Variants in BRAP observed in about 807,000 individuals in gnomAD.
BRAP encodes the protein BRCA1 associated protein, also known as BRCA1-associated protein.
In BRAP, 42 loss-of-function variants were observed where a neutral mutation model predicts 73.4. The observed-to-expected ratio is 0.57, with a 90% CI of 0.45 to 0.74. BRAP has a LOEUF of 0.74. Ranked by LOEUF, BRAP falls within the 30% of genes least tolerant of loss-of-function variation. The pLI is 0.00. For synonymous variants in BRAP, 255 were observed against 267.4 expected (o/e 0.95, Z 0.45); for missense variants, 593 against 751.4 (o/e 0.79, Z 2.46).
intron 6 of BRAP, among the ~76,000 whole-genome samples, chr12:111,661,713 G>T (rs1000420709): frequency 7.1e-5 from 10 of 141,698 alleles, no homozygotes; most frequent in Non-Finnish European, 9.3e-5. Context: ...AAAAAAAAAG[G>T]TTTTTTTTTT....
chr12:111,660,736 C>T, intron 6 of BRAP, 61 bp from the exon 7 acceptor site: 1 of 1,472,752 alleles, frequency 6.8e-7, no homozygotes, highest in Non-Finnish European at 9.2e-7. Context: ...TGTTACAGAA[C>T]CCAAAAGTCA....
chr12:111,671,780 G>A (rs1279087933), intron 5 of BRAP, among the ~76,000 whole-genome samples: 2 of 141,450 alleles, frequency 1.4e-5, no homozygotes, highest in African/African-American at 2.6e-5. Flanking sequence ...GACCTCCCCC[G>A]ACTCAGGTGA....
chr12:111,649,433 G>C (rs1336373345), intron 11 of BRAP, among the ~76,000 whole-genome samples: 1 of 152,176 alleles, frequency 6.6e-6, no homozygotes, highest in Non-Finnish European at 1.5e-5. Context: ...GATTACAGGC[G>C]TAAGCCACCA....
rs906813923 is a variant in BRAP at position 111,642,864 on chromosome 12, T to C, written c.*1335A>G. On this transcript the variant is annotated 3_prime_UTR_variant, in exon 12 of 12. Transcript: ENST00000419234. The stretch of plus-strand genomic sequence containing the variant: ...AAACAGATGGTGATTAGTGATACAG[T>C]TGATGTGCTAACAAGTAACATGTAA... 5.9e-5 allele frequency: 9 copies of C among 152,192 alleles called. No individual in the cohort carries two copies. The highest frequency in any genetic ancestry group is 1.9e-4 in the African/African-American group (8 of 41,448). The allele number at this position is 152,192 out of a possible 1,614,324, so 9.4% of individuals were successfully genotyped here.
At chr12:111,661,712 G>A (rs545587718) in intron 6 of BRAP, among the ~76,000 whole-genome samples, 1,688 of 145,538 alleles carry the variant, frequency 0.012, 22 homozygotes, top group Non-Finnish European at 0.015. Flanking sequence ...AAAAAAAAAA[G>A]GTTTTTTTTT....
chr12:111,673,399 G>A (rs1430618731), intron 4 of BRAP: 2 of 152,238 alleles, frequency 1.3e-5, no homozygotes, highest in African/African-American at 4.8e-5. Context: ...AGCTACTCGG[G>A]AGGCTGAGGC....
intron 4 of BRAP, among the ~76,000 whole-genome samples, chr12:111,673,616 C>G (rs1471659273): frequency 1.3e-5 from 2 of 151,020 alleles, no homozygotes; most frequent in Non-Finnish European, 2.9e-5. Context: ...TTTAATAAAC[C>G]AAATAATAAT....
rs1887801964 is a variant in BRAP, at chr12:111,685,714, C to T, written c.79G>A (p.Ala27Thr). Residue 27 changes from alanine to threonine, a missense_variant, in exon 1 of 12, where the codon GCG (alanine) becomes ACG (threonine). Physicochemically the swap from Ala to Thr is moderately conservative, Grantham distance 58. Coordinates refer to ENST00000419234, the MANE Select transcript of BRAP (RefSeq NM_006768.5). Reference sequence around the variant, plus strand: ...GCGGCGAGGCCGCGGGACTCACCCGCGGCGCTGAAGCCGAAGCCGGCGGGG... The same window carrying T: ...GCGGCGAGGCCGCGGGACTCACCCGTGGCGCTGAAGCCGAAGCCGGCGGGG... ...PVPAGFGFSA[A>T]AGEMSDEEIK... 6.2e-7 allele frequency: 1 copy of T among 1,604,586 alleles called. No individual in the cohort carries two copies. The highest frequency in any genetic ancestry group is 1.7e-5 in the Admixed American group (1 of 59,032).
At chr12:111,644,762 G>A (rs1223601290) in intron 11 of BRAP, among the ~76,000 whole-genome samples, 200 bp from the exon 12 acceptor site, 1 of 152,026 alleles carries the variant, frequency 6.6e-6, no homozygotes, top group African/African-American at 2.4e-5. Flanking sequence ...TAACACAAGT[G>A]TATTTTTTTT....
chr12:111,684,996 A>G (rs796246497), intron 1 of BRAP, among the ~76,000 whole-genome samples: 18 of 152,264 alleles, frequency 1.2e-4, no homozygotes, highest in African/African-American at 4.3e-4. Flanking sequence ...ATGTTAGTTA[A>G]TTATCTGAGG....
chr12:111,660,145 C>G (rs936904575), intron 7 of BRAP, among the ~76,000 whole-genome samples: 37 of 151,514 alleles, frequency 2.4e-4, no homozygotes, highest in African/African-American at 8.7e-4. Flanking sequence ...ATGTTTAAAA[C>G]CCAACAATCA....
chr12:111,682,629 T>G (rs1445149377), intron 2 of BRAP, among the ~76,000 whole-genome samples: 3 of 151,850 alleles, frequency 2.0e-5, no homozygotes, highest in African/African-American at 7.3e-5. Context: ...TTCTCCCTGG[T>G]AGCCGGGTGT....
intron 3 of BRAP, 86 bp downstream of exon 3, chr12:111,681,551 C>A: frequency 8.9e-7 from 1 of 1,119,794 alleles, no homozygotes. Context: ...TACCCACTTT[C>A]CTTCAGGACA....
chr12:111,682,433 T>C (rs996890734), intron 2 of BRAP, among the ~76,000 whole-genome samples: 3 of 127,504 alleles, frequency 2.4e-5, no homozygotes, highest in African/African-American at 9.2e-5. Flanking sequence ...AACCAGGAGG[T>C]GGAGTTGCAG....
intron 4 of BRAP, 80 bp downstream of exon 4, chr12:111,679,071 A>C: frequency 1.9e-6 from 2 of 1,052,662 alleles, no homozygotes; most frequent in Non-Finnish European, 2.6e-6. Context: ...AAATGTTGTA[A>C]ATCACACACA....
chr12:111,679,814 T>C (rs1887528883), intron 3 of BRAP, among the ~76,000 whole-genome samples: 1 of 144,154 alleles, frequency 6.9e-6, no homozygotes, highest in African/African-American at 2.6e-5. Context: ...GAGGCAGAGC[T>C]TGCAGTGAGC....
chr12:111,667,741 ATAC>A (rs1887010412), intron 5 of BRAP, among the ~76,000 whole-genome samples: 1 of 149,688 alleles, frequency 6.7e-6, no homozygotes, highest in African/African-American at 2.5e-5. Flanking sequence ...CAATACAAAA[ATAC>A]AAAAACTAAC....
At chr12:111,684,920 C>A (rs1390766490) in intron 1 of BRAP, among the ~76,000 whole-genome samples, 1 of 152,168 alleles carries the variant, frequency 6.6e-6, no homozygotes, top group Non-Finnish European at 1.5e-5. Context: ...CCGCCCGCCT[C>A]GGCCTCCCAA....
chr12:111,659,214 A>T lies in BRAP; in HGVS notation c.1104T>A (p.Tyr368Ter), dbSNP rs750668770. The T allele has an allele frequency of 6.2e-7, 1 of 1,614,014 alleles. No homozygotes were observed. The highest frequency in any genetic ancestry group is 2.2e-5 in the East Asian group (1 of 44,882). ...AAAGAGAGTGGTATTCACCTCCAGC[A>T]TAGTCCCAGACTCGATGGTTGGTAA... Reference protein sequence around the residue: ...MQLTNHRVWDYAGDNYVHRLV... With the variant: ...MQLTNHRVWD The change falls in exon 8 of 12, where the codon TAT becomes TAA. Residue 368 changes from tyrosine to a stop codon, truncating the protein, a stop_gained. Coordinates refer to ENST00000419234, the MANE Select transcript of BRAP (RefSeq NM_006768.5). LOFTEE classifies it high-confidence loss of function.
Sources: allele counts gnomAD v4.1 joint callset (sites outside exome capture counted in the v4.1 genomes callset), GRCh38; gene constraint gnomAD v4.1.1; transcripts MANE v1.5; gene names NCBI Gene and HGNC (gene_info 2026-07-23, HGNC 2026-07-21).